Variants in CENPK observed in about 807,000 individuals in gnomAD.
CENPK encodes the protein SoxLZ/Sox6-binding protein Solt.
CENPK carries 46 observed loss-of-function variants against 40.9 expected under a neutral mutation model. The observed-to-expected ratio is 1.13, with a 90% confidence interval of 0.89 to 1.44. The LOEUF is 1.44. Ranked by LOEUF, CENPK falls within the 40% of genes most tolerant of loss-of-function variation. The probability of loss-of-function intolerance (pLI) is 0.00; values close to 1 mark genes in which losing one functional copy is unlikely to be tolerated. For missense variants in CENPK, 288 were observed against 303.5 expected, an observed-to-expected ratio of 0.95 and a Z score of 0.38; for synonymous variants, 107 against 104.4, an observed-to-expected ratio of 1.02 and a Z score of -0.15.
At chr5:65,497,105 C>T in the CENPK span, among the ~76,000 whole-genome samples, 7 of 151,692 alleles carry the variant, frequency 4.6e-5, no homozygotes, top group Non-Finnish European at 7.4e-5. Flanking sequence ...CAGTGGCTGA[C>T]GCCTGTAATT....
In CENPK at chr5:65,552,491, A is replaced by G; in HGVS notation, c.168+2T>C. The stretch of plus-strand genomic sequence containing the variant: ...ATTTTTTAGGAAGAAAAAGATTCAT[A>G]CCTGAGCATTTGAATCGGTGAGTGT... On this transcript the variant is annotated splice_donor_variant, in intron 4 of 10. Coordinates refer to ENST00000396679, the MANE Select transcript of CENPK (RefSeq NM_022145.5). LOFTEE classifies it high-confidence loss of function. The G allele has an allele frequency of 6.5e-7, 1 of 1,535,792 alleles. No individual in the cohort carries two copies. The highest frequency in any genetic ancestry group is 8.8e-7 in the Non-Finnish European group (1 of 1,137,024).
At chr5:65,517,489 T>C (rs1169906911), downstream of CENPK, among the ~76,000 whole-genome samples, 1 of 152,202 alleles carries the variant, frequency 6.6e-6, no homozygotes, top group Non-Finnish European at 1.5e-5. Flanking sequence ...TAATAGTATT[T>C]GTATTTTCTA....
At chr5:65,513,411 T>C (rs1742649392), downstream of CENPK, among the ~76,000 whole-genome samples, 1 of 152,216 alleles carries the variant, frequency 6.6e-6, no homozygotes, top group South Asian at 2.1e-4. Context: ...TAAAAATATT[T>C]AGTCTTCCTA....
At chr5:65,531,748 C>T (rs190055544) in intron 6 of CENPK, among the ~76,000 whole-genome samples, 9 of 152,040 alleles carry the variant, frequency 5.9e-5, no homozygotes, top group Admixed American at 3.3e-4. Context: ...GTGATCTGCC[C>T]GCCTCAGCCT....
the CENPK span, among the ~76,000 whole-genome samples, chr5:65,504,644 C>T: frequency 6.6e-6 from 1 of 152,168 alleles, no homozygotes; most frequent in Admixed American, 6.5e-5. Context: ...TGTAACCTTG[C>T]AGGTAATTTT....
chr5:65,526,787 C>A (rs1012922504), intron 9 of CENPK, among the ~76,000 whole-genome samples: 1 of 152,024 alleles, frequency 6.6e-6, no homozygotes. Context: ...AGCAAGACCT[C>A]GTCTCTAAAA....
chr5:65,552,771 G>GAA (rs536474159), intron 3 of CENPK, among the ~76,000 whole-genome samples: 1 of 139,762 alleles, frequency 7.2e-6, no homozygotes. Flanking sequence ...GAATGAAGAG[G>GAA]AAAAAAAAAA....
rs1440424018 is a variant in CENPK at position 65,519,788 on chromosome 5, C to A, written c.652-1155G>T. Among the ~76,000 whole-genome samples the A allele has an allele frequency of 3.9e-5, 6 of 152,090 alleles. No individual in the cohort carries two copies. The East Asian group carries it at 1.2e-3, about 29-fold the overall frequency. Reference sequence around the variant, plus strand: ...CAGGAAAAAAGCTTTGGCCTCATTTCTTTTGAGTATCATAATATAGAATTA... The same window carrying A: ...CAGGAAAAAAGCTTTGGCCTCATTTATTTTGAGTATCATAATATAGAATTA... On this transcript the variant is annotated intron_variant, in intron 10 of 10. Coordinates refer to ENST00000396679, the MANE Select transcript of CENPK (RefSeq NM_022145.5).
the CENPK span, among the ~76,000 whole-genome samples, chr5:65,512,163 A>G: frequency 6.6e-6 from 1 of 152,242 alleles, no homozygotes; most frequent in Non-Finnish European, 1.5e-5. Flanking sequence ...TGAGGAGTTA[A>G]TTCCCATGGA....
At chr5:65,534,442 A>G (rs1333871579) in intron 6 of CENPK, among the ~76,000 whole-genome samples, 5 of 152,234 alleles carry the variant, frequency 3.3e-5, no homozygotes, top group African/African-American at 2.4e-5. Context: ...AATTCATAAT[A>G]CTTGATTTCA....
At chr5:65,546,838 T>C (rs187486661) in intron 5 of CENPK, among the ~76,000 whole-genome samples, 39 of 152,254 alleles carry the variant, frequency 2.6e-4, no homozygotes, top group Admixed American at 9.2e-4. Context: ...TCTTCCAGAA[T>C]TGTGAGAAAA....
chr5:65,534,939 C>T (rs6864157), intron 6 of CENPK, among the ~76,000 whole-genome samples: 61,891 of 151,970 alleles, frequency 0.41, 12,955 homozygotes, highest in East Asian at 0.65. Context: ...GAAAAGAAGT[C>T]GGGCACCATG....
chr5:65,521,448 A>G, intron 10 of CENPK, 27 bp downstream of exon 10: 1 of 1,587,344 alleles, frequency 6.3e-7, no homozygotes, highest in South Asian at 1.1e-5. Flanking sequence ...CAGCTTCAAG[A>G]CAAAACAAAC....
At chr5:65,513,145 T>C (rs73762015), downstream of CENPK, among the ~76,000 whole-genome samples, 917 of 152,326 alleles carry the variant, frequency 6.0e-3, 8 homozygotes, top group African/African-American at 0.02. Context: ...AACAGTGTCC[T>C]TCACAGAGCG....
chr5:65,503,511 C>T, the CENPK span, among the ~76,000 whole-genome samples: 1 of 152,144 alleles, frequency 6.6e-6, no homozygotes, highest in African/African-American at 2.4e-5. Flanking sequence ...TACTTTCTCC[C>T]ACTCTGTGGG....
chr5:65,536,443 A>G (rs1746905825), intron 6 of CENPK, among the ~76,000 whole-genome samples: 1 of 152,116 alleles, frequency 6.6e-6, no homozygotes, highest in Non-Finnish European at 1.5e-5. Context: ...GTGAGATCCC[A>G]TCTCTACAAA....
At chr5:65,539,216 T>C (rs1282488014) in intron 6 of CENPK, among the ~76,000 whole-genome samples, 1 of 152,184 alleles carries the variant, frequency 6.6e-6, no homozygotes, top group Non-Finnish European at 1.5e-5. Context: ...CATGCAAAAA[T>C]ACATTCATTC....
intron 5 of CENPK, among the ~76,000 whole-genome samples, 159 bp from the exon 6 acceptor site, chr5:65,543,007 C>T (rs1248950319): frequency 6.6e-6 from 1 of 152,146 alleles, no homozygotes; most frequent in African/African-American, 2.4e-5. Context: ...TCTTGTCACC[C>T]AGGCTGCAGT....
At chr5:65,557,721 C>T (rs1007687538) in intron 2 of CENPK, among the ~76,000 whole-genome samples, 1 of 152,202 alleles carries the variant, frequency 6.6e-6, no homozygotes, top group Non-Finnish European at 1.5e-5. Flanking sequence ...ATTTCTAATG[C>T]ACAAAACTCA....
Sources: gnomAD v4.1 joint callset for allele counts (sites outside exome capture counted in the v4.1 genomes callset) on GRCh38, gnomAD v4.1.1 for gene constraint, MANE v1.5 for transcripts, NCBI Gene and HGNC (gene_info 2026-07-23, HGNC 2026-07-21) for gene names.